PSTPIP1: variants seen among roughly 807,000 people sequenced by gnomAD.
The protein encoded by PSTPIP1 is proline-serine-threonine phosphatase-interacting protein 1.
In PSTPIP1, 66 loss-of-function variants were observed where a neutral mutation model predicts 69.6. The observed-to-expected ratio is 0.95, with a 90% CI of 0.78 to 1.16. The LOEUF (loss-of-function observed/expected upper bound fraction) is 1.16, where lower values mean the gene tolerates loss of function less well. Ranked by LOEUF, PSTPIP1 falls within the 50% of genes most tolerant of loss-of-function variation. The pLI is 0.00. For synonymous variants in PSTPIP1, 266 were observed against 222.7 expected, an observed-to-expected ratio of 1.19 and a Z score of -1.73; for missense variants, 603 against 557.4, an observed-to-expected ratio of 1.08 and a Z score of -0.82.
intron 1 of PSTPIP1, among the ~76,000 whole-genome samples, chr15:76,999,104 G>T (rs368431498): frequency 6.6e-6 from 1 of 152,150 alleles, no homozygotes; most frequent in African/African-American, 2.4e-5. Flanking sequence ...CCCCCAGTTT[G>T]TCGTGGCTCC....
Position 77,035,516 on chromosome 15 carries a change from G to T in PSTPIP1, c.938G>T (p.Gly313Val). 6.3e-7 allele frequency: 1 copy of T among 1,591,712 alleles called. No individual in the cohort carries two copies. The highest frequency in any genetic ancestry group is 8.6e-7 in the Non-Finnish European group (1 of 1,169,508). Residue 313 changes from glycine (G) to valine (V), a missense_variant, in exon 13 of 15, where the codon GGA becomes GTA. Coordinates refer to ENST00000558012, the MANE Select transcript of PSTPIP1 (RefSeq NM_003978.5). The part of the protein sequence containing the change: ...PSCGMIKRFS[G>V]LLHGSPKTTS... The stretch of plus-strand genomic sequence containing the variant: ...TTCCTCCCTGTTCCCAGGTTCTCTG[G>T]ACTGCTGCACGGAAGTCCCAAGACC...
chr15:77,000,470 T>G (rs911717536), intron 1 of PSTPIP1, among the ~76,000 whole-genome samples: 1 of 143,160 alleles, frequency 7.0e-6, no homozygotes, highest in African/African-American at 2.6e-5. Context: ...GATATATATA[T>G]ATATATACAC....
intron 1 of PSTPIP1, chr15:77,008,084 G>A (rs775279893): frequency 4.4e-6 from 2 of 456,048 alleles, no homozygotes; most frequent in Non-Finnish European, 8.8e-6. Flanking sequence ...AGCTGGGGGT[G>A]GAGGGCGGGA....
At chr15:76,996,623 G>A (rs1434186390) in intron 1 of PSTPIP1, among the ~76,000 whole-genome samples, 2 of 152,240 alleles carry the variant, frequency 1.3e-5, no homozygotes, top group South Asian at 2.1e-4. Context: ...CTTCCCTTCC[G>A]GCCGGCTCCA....
chr15:77,020,178 G>A (rs2076133102), intron 3 of PSTPIP1, among the ~76,000 whole-genome samples: 2 of 152,144 alleles, frequency 1.3e-5, no homozygotes, highest in Non-Finnish European at 1.5e-5. Context: ...CAGGAGGTAC[G>A]CAACATCTTG....
chr15:77,024,425 C>T (rs1437917822), intron 3 of PSTPIP1: 2 of 152,156 alleles, frequency 1.3e-5, no homozygotes, highest in East Asian at 3.9e-4. Context: ...CCCCCTCCAC[C>T]CAGGGCTGTC....
At chr15:77,030,750 T>G (rs191948287) in intron 9 of PSTPIP1, among the ~76,000 whole-genome samples, 169 bp downstream of exon 9, 23 of 152,364 alleles carry the variant, frequency 1.5e-4, no homozygotes, top group Non-Finnish European at 3.1e-4. Flanking sequence ...CTGGCCCTGT[T>G]GCTTGTCGCC....
chr15:77,025,642 A>T, intron 5 of PSTPIP1, 38 bp downstream of exon 5: 1 of 1,328,306 alleles, frequency 7.5e-7, no homozygotes, highest in Non-Finnish European at 1.0e-6. Context: ...CTGCTCCCCC[A>T]TTGCCAGCCT....
intron 1 of PSTPIP1, among the ~76,000 whole-genome samples, chr15:77,013,238 C>G (rs1477940795): frequency 5.3e-5 from 8 of 152,206 alleles, no homozygotes; most frequent in Non-Finnish European, 1.2e-4. Context: ...TCAGGTGTAA[C>G]CCAATCCAGT....
Position 77,028,062 on chromosome 15 carries a change from C to T in PSTPIP1, c.417+148C>T, listed in dbSNP as rs1273977618. 3 of 765,082 alleles carry T rather than the reference C, an allele frequency of 3.9e-6. No homozygotes were observed. In the African/African-American group the frequency reaches 5.2e-5, roughly 13 times the overall value. 47.4% of individuals were successfully genotyped at this position (765,082 alleles called of 1,614,324 possible). A position where few individuals can be genotyped will look rare whatever the true frequency, so the allele number is the denominator to read the frequency against. On this transcript the variant is annotated intron_variant, in intron 6 of 14. Transcript: ENST00000558012. ...GGACCTCGGCCTTGGGCGCACCAGC[C>T]TGCGGGGCGCTTGGGCCCGTGCTGG...
intron 11 of PSTPIP1, chr15:77,032,630 G>A (rs1031009073): frequency 1.6e-6 from 1 of 617,706 alleles, no homozygotes; most frequent in Non-Finnish European, 2.9e-6. Flanking sequence ...TTGAGGTGAG[G>A]AGCTCCCACG....
chr15:77,030,171 G>A lies in PSTPIP1; in HGVS notation c.563-331G>A, dbSNP rs371808472. On this transcript the variant is annotated intron_variant, in intron 8 of 14. Coordinates refer to ENST00000558012, the MANE Select transcript of PSTPIP1 (RefSeq NM_003978.5). ...TGTGGGACTCCACCCCTCCTCCAGC[G>A]CCCTCTCAGCTGCCTTCTCTGAACC... Among the ~76,000 whole-genome samples, 9 of 152,284 alleles carry A rather than the reference G, an allele frequency of 5.9e-5. No homozygotes were observed. In the South Asian group the frequency reaches 1.5e-3, roughly 25 times the overall value.
chr15:77,035,408 C>T lies in PSTPIP1; in HGVS notation c.930-100C>T. ...AGGGGCAGTCCCAGCCCTGGCAGAG[C>T]GCGTGCAGCTCTGAGACCTCTCCCT... On this transcript the variant is annotated intron_variant, in intron 12 of 14. Transcript: ENST00000558012. 16 of 1,251,678 alleles carry T rather than the reference C, an allele frequency of 1.3e-5. No individual in the cohort carries two copies. The South Asian group carries it at 1.8e-4, about 14-fold the overall frequency. 77.5% of individuals were successfully genotyped at this position (1,251,678 alleles called of 1,614,324 possible).
rs773642122 is a variant in PSTPIP1, at chr15:76,995,614, G to A, written c.36+5G>A. 1.9e-6 allele frequency: 3 copies of A among 1,613,498 alleles called. No individual in the cohort carries two copies. The highest frequency in any genetic ancestry group is 1.7e-6 in the Non-Finnish European group (2 of 1,179,894). ...CAGTTCAAAGATGCCTTTTGGGTGA[G>A]TGAGGATGGTTGGGGGCACTGAACA... On this transcript the variant is annotated splice_donor_5th_base_variant and intron_variant, in intron 1 of 14. Coordinates refer to ENST00000558012, the MANE Select transcript of PSTPIP1 (RefSeq NM_003978.5).
intron 5 of PSTPIP1, among the ~76,000 whole-genome samples, chr15:77,025,869 C>T (rs2076269770): frequency 6.6e-6 from 1 of 152,190 alleles, no homozygotes; most frequent in African/African-American, 2.4e-5. Flanking sequence ...CTAGGAGGAT[C>T]CTACTACAGC....
chr15:77,000,480 C>G, intron 1 of PSTPIP1, among the ~76,000 whole-genome samples: 1 of 110,528 alleles, frequency 9.0e-6, no homozygotes, highest in South Asian at 2.6e-4. Flanking sequence ...TATATATACA[C>G]ACACACACAC....
At chr15:77,034,626 C>T (rs2076509913) in intron 12 of PSTPIP1, among the ~76,000 whole-genome samples, 1 of 152,144 alleles carries the variant, frequency 6.6e-6, no homozygotes. Context: ...GCCATGCCTC[C>T]TCCCCTGCAC....
chr15:77,012,500 C>CCCAT (rs2075966293), intron 1 of PSTPIP1, among the ~76,000 whole-genome samples: 4 of 150,050 alleles, frequency 2.7e-5, no homozygotes, highest in South Asian at 4.3e-4. Flanking sequence ...CATCCACCCA[C>CCCAT]CCATCCATCC....
chr15:76,999,361 C>T (rs936517668), intron 1 of PSTPIP1: 3 of 152,112 alleles, frequency 2.0e-5, no homozygotes, highest in African/African-American at 7.2e-5. Context: ...TCACTGCAAC[C>T]TCCGCCTCCT....
Sources: allele counts gnomAD v4.1 joint callset (sites outside exome capture counted in the v4.1 genomes callset), GRCh38; gene constraint gnomAD v4.1.1; transcripts MANE v1.5; gene names NCBI Gene and HGNC (gene_info 2026-07-23, HGNC 2026-07-21).